The following NUP214 variants were observed in gnomAD, a reference collection of about 807,000 sequenced individuals.
The protein encoded by NUP214 is nucleoporin 214.
NUP214 carries 79 observed loss-of-function variants against 196.2 expected under a neutral mutation model. The observed-to-expected ratio is 0.40, with a 90% confidence interval of 0.34 to 0.49. The LOEUF is 0.49. NUP214 is among the 20% of genes least tolerant of loss of function. The pLI, the probability that NUP214 is intolerant of heterozygous loss-of-function variation, is 0.58. For synonymous variants in NUP214, 1,020 were observed against 990.5 expected (o/e 1.03, Z -0.56); for missense variants, 2,468 against 2,539.0 (o/e 0.97, Z 0.60).
chr9:131,186,065 A>C (rs572348247), intron 24 of NUP214, among the ~76,000 whole-genome samples: 1 of 152,324 alleles, frequency 6.6e-6, no homozygotes, highest in African/African-American at 2.4e-5. Flanking sequence ...TCTCTAAGCA[A>C]GTCTGCTGTG....
chr9:131,146,022 A>G lies in NUP214; in HGVS notation c.1770-107A>G. 1.9e-6 allele frequency: 2 copies of G among 1,066,596 alleles called. No homozygotes were observed. The highest frequency in any genetic ancestry group is 1.7e-5 in the South Asian group (1 of 59,322). 66.1% of individuals were successfully genotyped at this position (1,066,596 alleles called of 1,614,324 possible). ...AAGGCAAAAAGTATGTTATCTTTGT[A>G]AGTTAACATAAAAGATAATAAGTTA... On this transcript the variant is annotated intron_variant, in intron 12 of 35. Coordinates refer to ENST00000359428, the MANE Select transcript of NUP214 (RefSeq NM_005085.4). The surrounding 1 kb of genome is among the most constrained non-coding windows in gnomAD (Gnocchi z 4.6).
Position 131,198,401 on chromosome 9 carries a change from G to A in NUP214, c.4907G>A (p.Gly1636Asp), listed in dbSNP as rs770402088. ...CCATCTGCAGAGGCAGCAGCATTTG[G>A]TACCGTCACTTCTGGCTCATCCGTC... ...PGPSAEAAAFGTVTSGSSVFA... is the reference protein window; with the variant it reads ...PGPSAEAAAFDTVTSGSSVFA... Residue 1636 changes from glycine (G) to aspartate (D), a missense_variant, in exon 29 of 36, where the codon GGT (glycine) becomes GAT (aspartate). Around this residue, in one of 5 missense-constraint regions of NUP214, gnomAD observed 1,801 missense variants for 1,779.4 expected, o/e 1.01. Transcript: ENST00000359428. The A allele has an allele frequency of 1.5e-5, 24 of 1,614,236 alleles. No homozygotes were observed. The highest frequency in any genetic ancestry group is 2.2e-5 in the South Asian group (2 of 91,086).
chr9:131,150,524 T>C lies in NUP214; in HGVS notation c.2128-92T>C, dbSNP rs553798490. ...CATTCTAGCGCTGAAGCATGGCCCA[T>C]CCCAGCAGTCTGAGCAGTTAGTAAG... On this transcript the variant is annotated intron_variant, in intron 15 of 35. Transcript: ENST00000359428. The C allele has an allele frequency of 3.8e-6, 6 of 1,571,298 alleles. No homozygotes were observed. The South Asian group carries it at 4.5e-5, about 12-fold the overall frequency.
intron 7 of NUP214, chr9:131,133,694 G>A: frequency 6.6e-6 from 1 of 152,114 alleles, no homozygotes; most frequent in East Asian, 1.9e-4. Flanking sequence ...GTCTAAAATT[G>A]GAGTGTCCAC....
At chr9:131,132,241 T>G (rs990936193) in intron 5 of NUP214, among the ~76,000 whole-genome samples, 1 of 149,274 alleles carries the variant, frequency 6.7e-6, no homozygotes, top group Non-Finnish European at 1.5e-5. Flanking sequence ...TGCCTCAGCC[T>G]CCCGAGTAGC....
At chr9:131,210,831 A>G (rs1326082909) in intron 30 of NUP214, among the ~76,000 whole-genome samples, 1 of 152,244 alleles carries the variant, frequency 6.6e-6, no homozygotes, top group African/African-American at 2.4e-5. Flanking sequence ...CTATGCAACA[A>G]TATCAGGCAG....
Position 131,228,335 on chromosome 9 carries a change from AG to A in NUP214, c.6074+5del. ...CTGCCAGCGCAGGAGGATTCGGGTA[AG>A]CCCCCTGGGGAGGGCCCTTGGGAAC... is the stretch of plus-strand genomic sequence containing the variant. On this transcript the variant is annotated splice_donor_5th_base_variant and intron_variant, in intron 33 of 35. Coordinates refer to ENST00000359428, the MANE Select transcript of NUP214 (RefSeq NM_005085.4). The A allele has an allele frequency of 6.3e-7, 1 of 1,583,544 alleles. No individual in the cohort carries two copies. Among genetic ancestry groups the A allele is most frequent in the East Asian group, 2.4e-5 (1 of 42,126 alleles).
chr9:131,205,581 C>G (rs1834053260), intron 30 of NUP214, among the ~76,000 whole-genome samples: 1 of 152,174 alleles, frequency 6.6e-6, no homozygotes, highest in Admixed American at 6.5e-5. Flanking sequence ...CAGGAAACAG[C>G]CCAAATGCTT....
chr9:131,175,525 G>A lies in NUP214; in HGVS notation c.3223G>A (p.Val1075Met), dbSNP rs371913260. The A allele has an allele frequency of 3.7e-6, 6 of 1,614,164 alleles. No homozygotes were observed. Among genetic ancestry groups the A allele is most frequent in the South Asian group, 1.1e-5 (1 of 91,084 alleles). ...TAGCACAATGCTTGCCACGAAAACC[G>A]TGAAACATGGTGCACCTAGTCCTTC... ...ADSTMLATKTVKHGAPSPSHP... is the reference protein window; with the variant it reads ...ADSTMLATKTMKHGAPSPSHP... The change falls in exon 23 of 36, where the codon GTG becomes ATG. Residue 1075 changes from valine to methionine, a missense_variant. Val to Met is a conservative substitution (Grantham distance 21). Transcript: ENST00000359428.
intron 21 of NUP214, among the ~76,000 whole-genome samples, chr9:131,166,297 A>G (rs1273195071): frequency 6.6e-6 from 1 of 152,184 alleles, no homozygotes; most frequent in Admixed American, 6.5e-5. Context: ...ATTTTCTCAG[A>G]ACGTCTTTGT....
At chr9:131,159,622 C>T in intron 18 of NUP214, 136 bp downstream of exon 18, 1 of 714,688 alleles carries the variant, frequency 1.4e-6, no homozygotes, top group East Asian at 2.8e-5. Flanking sequence ...CTTTGGCAGG[C>T]CGAGGCGAGT....
At chr9:131,135,162 T>C in intron 8 of NUP214, 158 bp downstream of exon 8, 1 of 554,888 alleles carries the variant, frequency 1.8e-6, no homozygotes, top group Non-Finnish European at 3.2e-6. Context: ...CGATTGTAGC[T>C]CACAGAAGCC....
intron 30 of NUP214, among the ~76,000 whole-genome samples, chr9:131,210,633 A>C (rs1296961508): frequency 6.6e-6 from 1 of 152,168 alleles, no homozygotes; most frequent in Non-Finnish European, 1.5e-5. Context: ...TCTCAAAAAA[A>C]AAAACAAAAA....
intron 31 of NUP214, among the ~76,000 whole-genome samples, chr9:131,216,911 G>A (rs377385743): frequency 2.6e-5 from 3 of 116,220 alleles, no homozygotes; most frequent in South Asian, 2.8e-4. Context: ...CTGCTCAGGC[G>A]GAAGCTGAGA....
intron 9 of NUP214, among the ~76,000 whole-genome samples, chr9:131,138,880 G>T (rs539225947): frequency 1.8e-4 from 27 of 152,254 alleles, no homozygotes; most frequent in Admixed American, 4.6e-4. Context: ...GGAGTTCCTG[G>T]CCCCAATCCA....
chr9:131,160,605 G>A (rs1266899226), intron 18 of NUP214, among the ~76,000 whole-genome samples: 1 of 152,230 alleles, frequency 6.6e-6, no homozygotes, highest in Non-Finnish European at 1.5e-5. Context: ...CTTGATTAAT[G>A]ATTAGCTAGC....
Position 131,232,412 on chromosome 9 carries a change from T to A in NUP214, c.6239+104T>A. 1 of 1,268,154 alleles carries A rather than the reference T, an allele frequency of 7.9e-7. No individual in the cohort carries two copies. The highest frequency in any genetic ancestry group is 1.2e-6 in the Non-Finnish European group (1 of 868,532). 78.6% of individuals were successfully genotyped at this position (1,268,154 alleles called of 1,614,324 possible). Reference sequence around the variant, plus strand: ...TGTGCATTTTCTTTTCGTTTTTTCCTGTTTTTAGAGTTTGTCCTGGAAGTG... The same window carrying A: ...TGTGCATTTTCTTTTCGTTTTTTCCAGTTTTTAGAGTTTGTCCTGGAAGTG... On this transcript the variant is annotated intron_variant, in intron 35 of 35. Coordinates refer to ENST00000359428, the MANE Select transcript of NUP214 (RefSeq NM_005085.4). The surrounding 1 kb of genome is among the most constrained non-coding windows in gnomAD (Gnocchi z 5.1).
At chr9:131,192,908 T>C (rs1833647599) in intron 27 of NUP214, among the ~76,000 whole-genome samples, 1 of 115,490 alleles carries the variant, frequency 8.7e-6, no homozygotes, top group African/African-American at 3.5e-5. Context: ...ACCATTGTAC[T>C]CCAGCCTGGG....
chr9:131,165,477 T>C (rs1832761255), intron 21 of NUP214, among the ~76,000 whole-genome samples: 1 of 152,188 alleles, frequency 6.6e-6, no homozygotes, highest in Non-Finnish European at 1.5e-5. Context: ...AAATAAATGC[T>C]GGTGGTGAAG....
Sources: allele counts gnomAD v4.1 joint callset (sites outside exome capture counted in the v4.1 genomes callset), GRCh38; gene constraint gnomAD v4.1.1; regional missense constraint gnomAD v4.1.1; non-coding constraint Gnocchi (gnomAD v3.1); transcripts MANE v1.5; gene names NCBI Gene and HGNC (gene_info 2026-07-23, HGNC 2026-07-21).